Variants in SETDB2 observed in about 807,000 individuals in gnomAD.
SETDB2 encodes the protein SET domain bifurcated histone lysine methyltransferase 2.
In SETDB2, 56 loss-of-function variants were observed where a neutral mutation model predicts 82.5. The ratio of observed to expected loss-of-function variants is 0.68; its 90% confidence interval spans 0.55 to 0.85. SETDB2 has a LOEUF of 0.85. SETDB2 is among the 40% of genes least tolerant of loss of function. The pLI, the probability that SETDB2 is intolerant of heterozygous loss-of-function variation, is 0.00. For missense variants in SETDB2, 677 were observed against 816.4 expected, an observed-to-expected ratio of 0.83 and a Z score of 2.08; for synonymous variants, 272 against 284.9, an observed-to-expected ratio of 0.95 and a Z score of 0.46.
chr13:49,462,303 C>T (rs1004404047), intron 4 of SETDB2, among the ~76,000 whole-genome samples: 2 of 152,196 alleles, frequency 1.3e-5, no homozygotes, highest in Non-Finnish European at 1.5e-5. Flanking sequence ...AACCAGCCCC[C>T]ATTCTGAAGC....
intron 2 of SETDB2, among the ~76,000 whole-genome samples, chr13:49,459,336 C>T (rs550783981): frequency 6.6e-6 from 1 of 152,300 alleles, no homozygotes; most frequent in African/African-American, 2.4e-5. Context: ...ACTCATTAAT[C>T]CTCCCTGTGC....
At chr13:49,489,788 A>G (rs753364104) in intron 12 of SETDB2, among the ~76,000 whole-genome samples, 5 of 147,642 alleles carry the variant, frequency 3.4e-5, no homozygotes, top group Non-Finnish European at 6.0e-5. Context: ...TAGAGACACA[A>G]TTTCACCATG....
At chr13:49,487,315 T>C (rs923395387) in intron 11 of SETDB2, among the ~76,000 whole-genome samples, 1 of 152,102 alleles carries the variant, frequency 6.6e-6, no homozygotes, top group African/African-American at 2.4e-5. Context: ...ACTTACTCCA[T>C]CTGACATGCA....
At position 49,491,886 on chromosome 13, in the gene SETDB2, C is replaced by A. The variant is rs756985000; in HGVS notation, c.*37C>A. On this transcript the variant is annotated 3_prime_UTR_variant, in exon 14 of 14. Coordinates refer to ENST00000611815, the MANE Select transcript of SETDB2 (RefSeq NM_001160308.3). ...ACGCCTGTTTGTGAAATTAGCTTAT[C>A]AGGCTGAAATTAAAGCCATGCAAAA... The A allele has an allele frequency of 7.1e-7, 1 of 1,417,746 alleles. No individual in the cohort carries two copies. The highest frequency in any genetic ancestry group is 1.0e-6 in the Non-Finnish European group (1 of 1,002,706). 87.8% of individuals were successfully genotyped at this position (1,417,746 alleles called of 1,614,324 possible).
chr13:49,482,644 G>T (rs769291948), intron 8 of SETDB2, 93 bp from the exon 9 acceptor site: 132 of 797,668 alleles, frequency 1.7e-4, no homozygotes, highest in Non-Finnish European at 2.5e-4. Flanking sequence ...AGAATGTGTG[G>T]GTTCTTTAGT....
Position 49,492,036 on chromosome 13 carries a change from C to A in SETDB2, c.*187C>A. The A allele has an allele frequency of 1.6e-6, 1 of 632,540 alleles. No homozygotes were observed. Among genetic ancestry groups the A allele is most frequent in the Non-Finnish European group, 2.9e-6 (1 of 347,910 alleles). 39.2% of individuals were successfully genotyped at this position (632,540 alleles called of 1,614,324 possible). On this transcript the variant is annotated 3_prime_UTR_variant, in exon 14 of 14. Transcript: ENST00000611815. ...AACACAATTAGGATATTTTCATACA[C>A]ATAGGGTATCTTGTTCACTGCTGTG... is the stretch of plus-strand genomic sequence containing the variant.
chr13:49,477,162 G>C, intron 6 of SETDB2, 123 bp downstream of exon 6: 1 of 905,990 alleles, frequency 1.1e-6, no homozygotes, highest in Non-Finnish European at 1.6e-6. Context: ...AAGACTGGGC[G>C]TGGTGGCCCA....
At position 49,492,311 on chromosome 13, in the gene SETDB2, A is replaced by G. The variant is rs1594188611; in HGVS notation, c.*462A>G. 5.9e-6 allele frequency: 1 copy of G among 170,544 alleles called. No individual in the cohort carries two copies. The highest frequency in any genetic ancestry group is 5.8e-5 in the Admixed American group (1 of 17,204). 10.6% of individuals were successfully genotyped at this position (170,544 alleles called of 1,614,324 possible). A position where few individuals can be genotyped will look rare whatever the true frequency, so the allele number is the denominator to read the frequency against. On this transcript the variant is annotated 3_prime_UTR_variant, in exon 14 of 14. Coordinates refer to ENST00000611815, the MANE Select transcript of SETDB2 (RefSeq NM_001160308.3). ...ACCATTATGAGCTACAAGGTGGGCA[A>G]CAGCGCCTGAGGATCTAATTTTATG...
At chr13:49,483,882 A>G (rs1365552487) in intron 10 of SETDB2, among the ~76,000 whole-genome samples, 1 of 151,994 alleles carries the variant, frequency 6.6e-6, no homozygotes, top group Non-Finnish European at 1.5e-5. Flanking sequence ...AGCCTCCCAA[A>G]GTTCTGGGAT....
At chr13:49,490,953 TTAAAAA>T in intron 13 of SETDB2, 43 bp downstream of exon 13, 1 of 1,520,656 alleles carries the variant, frequency 6.6e-7, no homozygotes, top group Non-Finnish European at 9.1e-7. Flanking sequence ...AATTGTGACT[TTAAAAA>T]TAACAATAGA....
chr13:49,462,249 C>T (rs1958010499), intron 4 of SETDB2, among the ~76,000 whole-genome samples: 2 of 152,170 alleles, frequency 1.3e-5, no homozygotes, highest in Non-Finnish European at 2.9e-5. Flanking sequence ...AAAGTGCGAA[C>T]TCATTAACCA....
chr13:49,458,895 T>A (rs1466128974), intron 2 of SETDB2, among the ~76,000 whole-genome samples: 5 of 152,230 alleles, frequency 3.3e-5, no homozygotes, highest in African/African-American at 4.8e-5. Flanking sequence ...CATCATAAGA[T>A]CCTTATACCT....
In SETDB2 at chr13:49,446,383, G is replaced by A. The variant is rs910882591; in HGVS notation, c.-342+1526G>A. 6.6e-6 allele frequency: 3 copies of A among 456,006 alleles called. No homozygotes were observed. In the Admixed American group the frequency reaches 7.1e-5, roughly 11 times the overall value. The allele number at this position is 456,006 out of a possible 1,614,324, so 28.2% of individuals were successfully genotyped here. On this transcript the variant is annotated intron_variant, in intron 1 of 13. Transcript: ENST00000611815. Reference sequence around the variant, plus strand: ...ATATGATAAAAATTCTCCGTTCTTTGAAAGTTTTGTACAAGGAATGTTCCC... The same window carrying A: ...ATATGATAAAAATTCTCCGTTCTTTAAAAGTTTTGTACAAGGAATGTTCCC...
At chr13:49,453,314 T>A (rs1957817187) in intron 2 of SETDB2, among the ~76,000 whole-genome samples, 1 of 151,870 alleles carries the variant, frequency 6.6e-6, no homozygotes. Context: ...TTTTTTTTTT[T>A]AAGATGGCGT....
At chr13:49,479,845 A>G (rs1336736287) in intron 6 of SETDB2, among the ~76,000 whole-genome samples, 1 of 152,222 alleles carries the variant, frequency 6.6e-6, no homozygotes, top group Non-Finnish European at 1.5e-5. Flanking sequence ...GACATCTGCA[A>G]AACTATGTCC....
intron 10 of SETDB2, among the ~76,000 whole-genome samples, chr13:49,485,111 G>A (rs1958569477): frequency 2.0e-5 from 3 of 152,168 alleles, no homozygotes; most frequent in Non-Finnish European, 2.9e-5. Context: ...AATGTGTATT[G>A]AATACTTAGT....
rs1017435853 is a variant in SETDB2, at chr13:49,494,910, A to G, written c.*3061A>G. 1 of 152,090 alleles carries G rather than the reference A, an allele frequency of 6.6e-6. No homozygotes were observed. Among genetic ancestry groups the G allele is most frequent in the Non-Finnish European group, 1.5e-5 (1 of 68,020 alleles). 9.4% of individuals were successfully genotyped at this position (152,090 alleles called of 1,614,324 possible). A position where few individuals can be genotyped will look rare whatever the true frequency, so the allele number is the denominator to read the frequency against. ...AACAACTTATTTTTTAACTATAATT[A>G]TATGCATTTATGTTAGATTCACTGA... On this transcript the variant is annotated 3_prime_UTR_variant, in exon 14 of 14. Coordinates refer to ENST00000611815, the MANE Select transcript of SETDB2 (RefSeq NM_001160308.3).
At chr13:49,482,162 A>G (rs1362800576) in intron 8 of SETDB2, 10 of 985,306 alleles carry the variant, frequency 1.0e-5, no homozygotes, top group Non-Finnish European at 1.2e-5. Flanking sequence ...GTTGCTGGAA[A>G]ATGTAACTAA....
intron 8 of SETDB2, chr13:49,482,356 A>C: frequency 1.0e-6 from 1 of 983,148 alleles, no homozygotes; most frequent in Non-Finnish European, 1.2e-6. Context: ...ACTTTTGTTA[A>C]AAATTTTAAG....
Sources: allele counts gnomAD v4.1 joint callset (sites outside exome capture counted in the v4.1 genomes callset), GRCh38; gene constraint gnomAD v4.1.1; transcripts MANE v1.5; gene names NCBI Gene and HGNC (gene_info 2026-07-23, HGNC 2026-07-21).